Variants in TMEM94 observed in about 807,000 individuals in gnomAD.
TMEM94 encodes ER Mg2+ ATPase.
In TMEM94, 81 loss-of-function variants were observed where a neutral mutation model predicts 158.6. The ratio of observed to expected loss-of-function variants is 0.51; its 90% confidence interval spans 0.43 to 0.61. TMEM94 has a LOEUF of 0.61. Among genes scored for constraint, TMEM94 ranks in the 20% least tolerant of loss-of-function variants. The probability of loss-of-function intolerance (pLI) is 0.00; values close to 1 mark genes in which losing one functional copy is unlikely to be tolerated. For missense variants in TMEM94, 1,435 were observed against 1,762.0 expected (o/e 0.81, Z 3.32); for synonymous variants, 751 against 730.7 (o/e 1.03, Z -0.45).
In TMEM94 at chr17:75,489,296, A is replaced by T. The variant is rs2051918670; in HGVS notation, c.795A>T (p.Pro265=). ...RWCLDMALSR[P]VTALDNERFT... is the part of the protein sequence containing the mutation. Reference sequence around the variant, plus strand: ...GCCTGGACATGGCCCTGTCCCGACCAGTCACTGCCCTGGACAATGAGCGGT... The same window carrying T: ...GCCTGGACATGGCCCTGTCCCGACCTGTCACTGCCCTGGACAATGAGCGGT... The change falls in exon 8 of 32, where the codon CCA becomes CCT. Residue 265 remains proline, a synonymous_variant. Transcript: ENST00000314256. The surrounding 1 kb of genome is among the most constrained non-coding windows in gnomAD (Gnocchi z 5.0). 4.3e-6 allele frequency: 7 copies of T among 1,614,196 alleles called. No individual in the cohort carries two copies. The highest frequency in any genetic ancestry group is 5.9e-6 in the Non-Finnish European group (7 of 1,180,022).
chr17:75,471,243 A>AC (rs1475241970), intron 1 of TMEM94, among the ~76,000 whole-genome samples: 9 of 147,448 alleles, frequency 6.1e-5, no homozygotes, highest in African/African-American at 2.4e-4. Flanking sequence ...CGTCTCAAAA[A>AC]AAAAAAAAAA....
intron 1 of TMEM94, among the ~76,000 whole-genome samples, chr17:75,457,843 G>T (rs1055952739): frequency 6.6e-6 from 1 of 152,090 alleles, no homozygotes; most frequent in Admixed American, 6.6e-5. Flanking sequence ...TTCTTTATCC[G>T]CTAGACCTAG....
chr17:75,478,003 C>CCT (rs2050813291), intron 2 of TMEM94, among the ~76,000 whole-genome samples: 1 of 57,880 alleles, frequency 1.7e-5, no homozygotes, highest in African/African-American at 1.0e-4. Context: ...GAGACTCCAT[C>CCT]TTTTTTTTTT....
In TMEM94 at chr17:75,490,715, C is replaced by T; in HGVS notation, c.1085C>T (p.Ser362Leu). 6.2e-7 allele frequency: 1 copy of T among 1,614,122 alleles called. No individual in the cohort carries two copies. The highest frequency in any genetic ancestry group is 8.5e-7 in the Non-Finnish European group (1 of 1,179,966). ...ASPSSLLAKF[S>L]EDTLSSYTEA... is the part of the protein sequence containing the mutation. ...CTCTCCGTGCAGCTGGCTAAGTTCTCAGAGGATACTCTCAGCAGCTATACG... is the reference window on the plus strand; with the variant it reads ...CTCTCCGTGCAGCTGGCTAAGTTCTTAGAGGATACTCTCAGCAGCTATACG... Residue 362 changes from serine (S) to leucine (L), a missense_variant, in exon 11 of 32, where the codon TCA (serine) becomes TTA (leucine). Around this residue, in one of 3 missense-constraint regions of TMEM94, gnomAD observed 1,051 missense variants for 1,254.4 expected, o/e 0.84. Coordinates refer to ENST00000314256, the MANE Select transcript of TMEM94 (RefSeq NM_014738.6).
In TMEM94 at chr17:75,499,774, C is replaced by G. The variant is rs2053120464; in HGVS notation, c.*440C>G. 1 of 169,930 alleles carries G rather than the reference C, an allele frequency of 5.9e-6. No homozygotes were observed. Among genetic ancestry groups the G allele is most frequent in the Non-Finnish European group, 1.3e-5 (1 of 77,786 alleles). The allele number at this position is 169,930 out of a possible 1,614,324, so 10.5% of individuals were successfully genotyped here. A position where few individuals can be genotyped will look rare whatever the true frequency, so the allele number is the denominator to read the frequency against. On this transcript the variant is annotated 3_prime_UTR_variant, in exon 32 of 32. Transcript: ENST00000314256. Reference sequence around the variant, plus strand: ...CAGCCTTGGCCGACGCGTCCAACTCCCAAGGCTGCCGTGGAGGGCAGGGGG... The same window carrying G: ...CAGCCTTGGCCGACGCGTCCAACTCGCAAGGCTGCCGTGGAGGGCAGGGGG...
At position 75,485,789 on chromosome 17, in the gene TMEM94, G is replaced by A; in HGVS notation, c.145-82G>A. On this transcript the variant is annotated intron_variant, in intron 3 of 31. Transcript: ENST00000314256. This position sits in a 1 kb window ranked among gnomAD's most constrained non-coding sequence, Gnocchi z 5.5. ...GAGAGGGGACCAAGGCGGCCATGGG[G>A]GCTGGGAAGGGTGCCGGGGGAGGCA... The A allele has an allele frequency of 6.7e-7, 1 of 1,498,098 alleles. No homozygotes were observed. Among genetic ancestry groups the A allele is most frequent in the Non-Finnish European group, 9.0e-7 (1 of 1,113,876 alleles). 92.8% of individuals were successfully genotyped at this position (1,498,098 alleles called of 1,614,324 possible). A position where few individuals can be genotyped will look rare whatever the true frequency, so the allele number is the denominator to read the frequency against.
At position 75,463,178 on chromosome 17, in the gene TMEM94, G is replaced by GTGTGTATATATA. The variant is rs1180723796; in HGVS notation, c.-107+6428_-107+6429insGTGTATATATAT. Among the ~76,000 whole-genome samples, 97 of 15,080 alleles carry GTGTGTATATATA rather than the reference G, an allele frequency of 6.4e-3. 11 individuals carry two copies. Among genetic ancestry groups the GTGTGTATATATA allele is most frequent in the African/African-American group, 0.014 (83 of 6,058 alleles). The allele number at this position is 15,080 out of a possible 152,430, so 9.9% of individuals were successfully genotyped here. A position where few individuals can be genotyped will look rare whatever the true frequency, so the allele number is the denominator to read the frequency against. Reference sequence around the variant, plus strand: ...TATATATATGTGTGTGTGTGTGTGTGTATATATATATATATATATACAGTT... The same window carrying GTGTGTATATATA: ...TATATATATGTGTGTGTGTGTGTGTGTGTGTATATATATATATATATATATATATATACAGTT... On this transcript the variant is annotated intron_variant, in intron 1 of 31. Coordinates refer to ENST00000314256, the MANE Select transcript of TMEM94 (RefSeq NM_014738.6).
Position 75,495,436 on chromosome 17 carries a change from T to C in TMEM94, c.2844+37T>C. The C allele has an allele frequency of 1.9e-6, 3 of 1,595,062 alleles. No homozygotes were observed. Among genetic ancestry groups the C allele is most frequent in the Non-Finnish European group, 2.6e-6 (3 of 1,163,354 alleles). ...GGATCTGTCTCACGTGTTCCTGTAG[T>C]GGTCCCATAGCTGGTCCAGGGGAGA... On this transcript the variant is annotated intron_variant, in intron 21 of 31. Coordinates refer to ENST00000314256, the MANE Select transcript of TMEM94 (RefSeq NM_014738.6). The surrounding 1 kb of genome is among the most constrained non-coding windows in gnomAD (Gnocchi z 5.6).
rs753314312 is a variant in TMEM94 at position 75,491,757 on chromosome 17, G to A, written c.1453G>A (p.Glu485Lys). The change falls in exon 14 of 32, where the codon GAG becomes AAG. Residue 485 changes from glutamate (E) to lysine (K), a missense_variant. By Grantham distance (56) the Glu-to-Lys change is moderately conservative. Transcript: ENST00000314256. The surrounding 1 kb of genome is among the most constrained non-coding windows in gnomAD (Gnocchi z 5.1). The stretch of plus-strand genomic sequence containing the variant: ...CACCCTGCACCTTTCCAATGAGCAG[G>A]AGCGTGGCGACTGGCCTGGCGAGGC... ...NNTLHLSNEQ[E>K]RGDWPGEAPK... 8 of 1,613,950 alleles carry A rather than the reference G, an allele frequency of 5.0e-6. No homozygotes were observed. The highest frequency in any genetic ancestry group is 3.3e-5 in the South Asian group (3 of 91,088).
intron 2 of TMEM94, among the ~76,000 whole-genome samples, chr17:75,479,040 T>C (rs562085161): frequency 1.3e-5 from 2 of 152,260 alleles, no homozygotes; most frequent in East Asian, 3.9e-4. Context: ...CCAGGTACAT[T>C]GGGTAGCCAG....
chr17:75,487,105 C>T lies in TMEM94; in HGVS notation c.409+679C>T, dbSNP rs1162418886. On this transcript the variant is annotated intron_variant, in intron 5 of 31. Transcript: ENST00000314256. The surrounding 1 kb of genome is among the most constrained non-coding windows in gnomAD (Gnocchi z 4.6). ...CTTTCGTTCTGAGATGGTTAATTGC[C>T]ACCATGTGCCAGGCACTGGGAGTGC... Among the ~76,000 whole-genome samples, 2 of 152,178 alleles carry T rather than the reference C, an allele frequency of 1.3e-5. No homozygotes were observed. Among genetic ancestry groups the T allele is most frequent in the African/African-American group, 2.4e-5 (1 of 41,428 alleles).
rs368472205 is a variant in TMEM94 at position 75,498,891 on chromosome 17, C to G, written c.3828-21C>G. On this transcript the variant is annotated intron_variant, in intron 30 of 31. Transcript: ENST00000314256. The surrounding 1 kb of genome is among the most constrained non-coding windows in gnomAD (Gnocchi z 6.7). ...GGAAGCAAGCAGTGTCGGGTTCACA[C>G]GGGGCCGCCACCTCCTGCAGGCTGC... 1 of 1,532,400 alleles carries G rather than the reference C, an allele frequency of 6.5e-7. No homozygotes were observed. Among genetic ancestry groups the G allele is most frequent in the African/African-American group, 1.4e-5 (1 of 73,066 alleles). The allele number at this position is 1,532,400 out of a possible 1,614,324, so 94.9% of individuals were successfully genotyped here.
At chr17:75,488,304 T>C (rs1230976979) in intron 6 of TMEM94, among the ~76,000 whole-genome samples, 170 bp downstream of exon 6, 2 of 152,038 alleles carry the variant, frequency 1.3e-5, no homozygotes, top group East Asian at 3.9e-4. Flanking sequence ...TGAAACAGGG[T>C]CTCACCCTGT....
Position 75,498,402 on chromosome 17 carries a change from C to T in TMEM94, c.3639-42C>T. 6.2e-7 allele frequency: 1 copy of T among 1,608,870 alleles called. No homozygotes were observed. The highest frequency in any genetic ancestry group is 8.5e-7 in the Non-Finnish European group (1 of 1,177,112). On this transcript the variant is annotated intron_variant, in intron 28 of 31. Coordinates refer to ENST00000314256, the MANE Select transcript of TMEM94 (RefSeq NM_014738.6). This position sits in a 1 kb window ranked among gnomAD's most constrained non-coding sequence, Gnocchi z 6.7. The stretch of plus-strand genomic sequence containing the variant: ...TCCCTCCCCACCCCAGCCTACCTCC[C>T]TGCGGCCCTAGAGGGGCTGAGCCCA...
At chr17:75,476,545 G>T in intron 2 of TMEM94, 1 of 1,452,214 alleles carries the variant, frequency 6.9e-7, no homozygotes, top group Non-Finnish European at 9.0e-7. Context: ...CTGATTCTGT[G>T]CAGCACCCGG....
In TMEM94 at chr17:75,487,911, C is replaced by G. The variant is rs1275765913; in HGVS notation, c.410-21C>G. The G allele has an allele frequency of 2.5e-6, 4 of 1,605,560 alleles. No homozygotes were observed. In the Admixed American group the frequency reaches 6.7e-5, roughly 27 times the overall value. ...AGGGCCGTGGCTGAGAGGGTTGTTTCCCTCTTTCCATTCCCCTCAGATGCC... is the reference window on the plus strand; with the variant it reads ...AGGGCCGTGGCTGAGAGGGTTGTTTGCCTCTTTCCATTCCCCTCAGATGCC... On this transcript the variant is annotated intron_variant, in intron 5 of 31. Coordinates refer to ENST00000314256, the MANE Select transcript of TMEM94 (RefSeq NM_014738.6). The surrounding 1 kb of genome is among the most constrained non-coding windows in gnomAD (Gnocchi z 4.6).
chr17:75,489,193 G>T lies in TMEM94; in HGVS notation c.765-73G>T. 2.1e-6 allele frequency: 3 copies of T among 1,417,342 alleles called. No homozygotes were observed. In the South Asian group the frequency reaches 3.5e-5, roughly 17 times the overall value. 87.8% of individuals were successfully genotyped at this position (1,417,342 alleles called of 1,614,324 possible). A position where few individuals can be genotyped will look rare whatever the true frequency, so the allele number is the denominator to read the frequency against. On this transcript the variant is annotated intron_variant, in intron 7 of 31. Coordinates refer to ENST00000314256, the MANE Select transcript of TMEM94 (RefSeq NM_014738.6). The surrounding 1 kb of genome is among the most constrained non-coding windows in gnomAD (Gnocchi z 5.0). ...TGAAGAAGCGGTATCTGGCAGAGAG[G>T]CCCAGAATCCTCCCAAGGTGTAGGT...
At position 75,491,853 on chromosome 17, in the gene TMEM94, G is replaced by A. The variant is rs145991908; in HGVS notation, c.1549G>A (p.Val517Met). 1.1e-4 allele frequency: 173 copies of A among 1,613,860 alleles called. No individual in the cohort carries two copies. The highest frequency in any genetic ancestry group is 1.4e-4 in the Non-Finnish European group (163 of 1,179,992). ...CAGCAAACACCCATCTGGCTCCAAC[G>A]TGAGCTTCAGCAGGGACACCGAGGG... ...GRSKHPSGSN[V>M]SFSRDTEGGE... Residue 517 changes from valine to methionine, a missense_variant, in exon 14 of 32, where the codon GTG (valine) becomes ATG (methionine). Val to Met is a conservative substitution (Grantham distance 21, BLOSUM62 1). This residue lies in a region of TMEM94 where 1,051 missense variants were observed against 1,254.4 expected (regional missense o/e 0.84). Coordinates refer to ENST00000314256, the MANE Select transcript of TMEM94 (RefSeq NM_014738.6). The surrounding 1 kb of genome is among the most constrained non-coding windows in gnomAD (Gnocchi z 5.1).
chr17:75,496,144 G>A (rs886607715), intron 23 of TMEM94, 70 bp downstream of exon 23: 26 of 1,511,446 alleles, frequency 1.7e-5, no homozygotes, highest in East Asian at 4.7e-5. Context: ...ATGGGCCTGC[G>A]TGGGGCTGGG....
Sources: gnomAD v4.1 joint callset for allele counts (sites outside exome capture counted in the v4.1 genomes callset) on GRCh38, gnomAD v4.1.1 for gene constraint, gnomAD v4.1.1 regional missense constraint, Gnocchi (gnomAD v3.1) non-coding constraint, MANE v1.5 for transcripts, NCBI Gene and HGNC (gene_info 2026-07-23, HGNC 2026-07-21) for gene names.